DPP6: variants seen among roughly 807,000 people sequenced by gnomAD.
DPP6 encodes dipeptidyl peptidase like 6, also known as A-type potassium channel modulatory protein DPP6.
DPP6 carries 69 observed loss-of-function variants against 122.6 expected under a neutral mutation model. That is an observed-to-expected ratio of 0.56 (90% CI 0.46 to 0.69). The LOEUF is 0.69. Ranked by LOEUF, DPP6 falls within the 30% of genes least tolerant of loss-of-function variation. The pLI is 0.00. For synonymous variants in DPP6, 418 were observed against 433.1 expected (o/e 0.97, Z 0.43); for missense variants, 928 against 1,116.9 (o/e 0.83, Z 2.41).
chr7:154,892,651 C>T lies in DPP6; in HGVS notation c.*171C>T, dbSNP rs752629020. ...GTTTTGCTTGGGAAACAAGCTCCTT[C>T]CCCGGGGTCATCACTCACGGCCTCC... On this transcript the variant is annotated 3_prime_UTR_variant, in exon 26 of 26. Coordinates refer to ENST00000377770, the MANE Select transcript of DPP6 (RefSeq NM_130797.4). The T allele has an allele frequency of 6.6e-6, 9 of 1,361,856 alleles. No individual in the cohort carries two copies. The highest frequency in any genetic ancestry group is 1.8e-5 in the Admixed American group (1 of 54,444). The allele number at this position is 1,361,856 out of a possible 1,614,324, so 84.4% of individuals were successfully genotyped here.
At chr7:154,535,685 T>TA (rs34063841) in intron 3 of DPP6, among the ~76,000 whole-genome samples, 27,588 of 144,152 alleles carry the variant, frequency 0.19, 2,994 homozygotes, top group African/African-American at 0.32. Flanking sequence ...TAATAAATTG[T>TA]AAAAAAAAAA....
At chr7:154,775,954 G>A (rs1370859510) in intron 10 of DPP6, among the ~76,000 whole-genome samples, 1 of 151,998 alleles carries the variant, frequency 6.6e-6, no homozygotes, top group Non-Finnish European at 1.5e-5. Flanking sequence ...CTGTGCTGGG[G>A]ACCCTCCTTG....
chr7:154,525,797 T>G (rs1413468798), intron 3 of DPP6, among the ~76,000 whole-genome samples: 1 of 152,058 alleles, frequency 6.6e-6, no homozygotes, highest in Non-Finnish European at 1.5e-5. Flanking sequence ...TCATTTCTCT[T>G]TTTGGAAACA....
chr7:154,092,157 T>C (rs1804900913), intron 1 of DPP6: 1 of 152,190 alleles, frequency 6.6e-6, no homozygotes, highest in African/African-American at 2.4e-5. Flanking sequence ...GTTGCAAAAA[T>C]ACTATGACCT....
At chr7:154,004,784 A>C (rs1797840983) in intron 1 of DPP6, among the ~76,000 whole-genome samples, 2 of 152,158 alleles carry the variant, frequency 1.3e-5, no homozygotes, top group East Asian at 3.9e-4. Context: ...CAGTGACTGT[A>C]GTTTATATGG....
the DPP6 span, among the ~76,000 whole-genome samples, chr7:153,818,410 G>T: frequency 6.6e-6 from 1 of 151,898 alleles, no homozygotes; most frequent in Non-Finnish European, 1.5e-5. Context: ...CTGCAGCATT[G>T]TTTGTAAAAG....
chr7:154,190,678 G>T (rs1798575406), intron 1 of DPP6, among the ~76,000 whole-genome samples: 1 of 152,004 alleles, frequency 6.6e-6, no homozygotes, highest in African/African-American at 2.4e-5. Context: ...AGATGGATGG[G>T]TCTTTCTGAG....
At chr7:154,138,917 G>A (rs1309498741) in intron 1 of DPP6, among the ~76,000 whole-genome samples, 2 of 152,184 alleles carry the variant, frequency 1.3e-5, no homozygotes, top group South Asian at 2.1e-4. Flanking sequence ...AAACATGTCA[G>A]TTGCTGGAGA....
intron 6 of DPP6, among the ~76,000 whole-genome samples, chr7:154,638,167 A>C (rs1186779230): frequency 6.6e-6 from 1 of 152,156 alleles, no homozygotes; most frequent in African/African-American, 2.4e-5. Context: ...AGAGCCGGAC[A>C]TTCCCCTCTG....
rs569807188 is a variant in DPP6, at chr7:154,581,620, G to T, written c.627+14704G>T. On this transcript the variant is annotated intron_variant, in intron 5 of 25. Transcript: ENST00000377770. ...GAGCTTATTAGATCCAACTTGAGTT[G>T]ACAACAAAGAACTTCTGGAGCCTTT... 5.3e-5 allele frequency among the ~76,000 whole-genome samples: 8 copies of T among 152,378 alleles called. 1 individual carries two copies. In the South Asian group the frequency reaches 1.7e-3, roughly 32 times the overall value.
intron 1 of DPP6, among the ~76,000 whole-genome samples, chr7:154,087,902 A>C (rs1563185831): frequency 6.6e-6 from 1 of 152,226 alleles, no homozygotes; most frequent in Non-Finnish European, 1.5e-5. Flanking sequence ...GCCACCTTCT[A>C]CAAATGCCAA....
chr7:154,008,373 T>G (rs1452583000), intron 1 of DPP6, among the ~76,000 whole-genome samples: 2 of 152,222 alleles, frequency 1.3e-5, no homozygotes, highest in Non-Finnish European at 2.9e-5. Flanking sequence ...TCAGTGTACT[T>G]TTTCCACTAC....
chr7:154,405,192 T>TTAGC (rs1815977245), intron 1 of DPP6, among the ~76,000 whole-genome samples: 1 of 152,202 alleles, frequency 6.6e-6, no homozygotes, highest in Non-Finnish European at 1.5e-5. Context: ...GGAGAGTTTA[T>TTAGC]TAGCTCAAGC....
At chr7:153,850,142 G>T in the DPP6 span, among the ~76,000 whole-genome samples, 1 of 152,098 alleles carries the variant, frequency 6.6e-6, no homozygotes, top group African/African-American at 2.4e-5. Context: ...AGTTTCTGTG[G>T]TCGGGAGTCC....
intron 16 of DPP6, among the ~76,000 whole-genome samples, chr7:154,832,223 G>T (rs76880781): frequency 0.021 from 3,248 of 152,294 alleles, 45 homozygotes; most frequent in Non-Finnish European, 0.034. Context: ...TGAGGGGCTT[G>T]TGTTGGAGGG....
chr7:154,719,829 C>T (rs774832114), intron 7 of DPP6, among the ~76,000 whole-genome samples: 2 of 152,208 alleles, frequency 1.3e-5, no homozygotes, highest in Admixed American at 1.3e-4. Context: ...TGCCGATTGT[C>T]ATTGCTCTGA....
At chr7:154,162,577 A>G (rs1218057168) in intron 1 of DPP6, among the ~76,000 whole-genome samples, 3 of 152,218 alleles carry the variant, frequency 2.0e-5, no homozygotes, top group Non-Finnish European at 4.4e-5. Context: ...TACGGAGTCA[A>G]ACTCGACACC....
chr7:153,961,562 A>AGTGGG (rs1400289361), intron 1 of DPP6, among the ~76,000 whole-genome samples: 4 of 144,362 alleles, frequency 2.8e-5, no homozygotes, highest in Admixed American at 6.8e-5. Context: ...TGGACCGGGG[A>AGTGGG]GTGGGGTGGG....
At chr7:154,230,935 TG>T (rs935501048) in intron 1 of DPP6, among the ~76,000 whole-genome samples, 39 of 152,366 alleles carry the variant, frequency 2.6e-4, no homozygotes, top group Non-Finnish European at 5.1e-4. Flanking sequence ...TATGCATTTT[TG>T]CATCACTGTA....
Sources: allele counts gnomAD v4.1 joint callset (sites outside exome capture counted in the v4.1 genomes callset), GRCh38; gene constraint gnomAD v4.1.1; transcripts MANE v1.5; gene names NCBI Gene and HGNC (gene_info 2026-07-23, HGNC 2026-07-21).